The following FSTL4 variants were observed in gnomAD, a reference collection of about 807,000 sequenced individuals.
FSTL4 encodes the protein follistatin-related protein 4.
FSTL4 carries 28 observed loss-of-function variants against 78.2 expected under a neutral mutation model. That is an observed-to-expected ratio of 0.36 (90% CI 0.27 to 0.49). The LOEUF is 0.49. Among genes scored for constraint, FSTL4 ranks in the 20% least tolerant of loss-of-function variants. The probability of loss-of-function intolerance (pLI) is 0.98; values close to 1 mark genes in which losing one functional copy is unlikely to be tolerated. For missense variants in FSTL4, 922 were observed against 1,084.9 expected (o/e 0.85, Z 2.11); for synonymous variants, 422 against 440.5 (o/e 0.96, Z 0.53).
chr5:133,223,655 C>T (rs1337195039), intron 11 of FSTL4, among the ~76,000 whole-genome samples: 2 of 152,192 alleles, frequency 1.3e-5, no homozygotes, highest in Non-Finnish European at 2.9e-5. Context: ...CTTTGATGCA[C>T]AAAAATGGCA....
the FSTL4 span, among the ~76,000 whole-genome samples, chr5:133,733,810 C>T: frequency 6.6e-6 from 1 of 152,182 alleles, no homozygotes; most frequent in Non-Finnish European, 1.5e-5. Flanking sequence ...CATGAGGTTG[C>T]AGTCAAGATG....
the FSTL4 span, among the ~76,000 whole-genome samples, chr5:133,814,636 G>A: frequency 1.3e-5 from 2 of 152,228 alleles, no homozygotes; most frequent in Non-Finnish European, 2.9e-5. Context: ...ATAAGGGCCA[G>A]AGAAGGCACA....
chr5:133,557,694 G>C (rs1759818558), intron 3 of FSTL4, among the ~76,000 whole-genome samples: 2 of 152,170 alleles, frequency 1.3e-5, no homozygotes, highest in Non-Finnish European at 2.9e-5. Context: ...CCATGAAGGG[G>C]AACCCCCAGA....
chr5:133,324,398 G>C (rs1754152666), intron 4 of FSTL4, among the ~76,000 whole-genome samples: 2 of 152,228 alleles, frequency 1.3e-5, no homozygotes, highest in East Asian at 3.9e-4. Context: ...TGGTGGTGGG[G>C]CGGGAAAGTG....
the FSTL4 span, among the ~76,000 whole-genome samples, chr5:133,835,613 G>A: frequency 6.6e-6 from 1 of 152,142 alleles, no homozygotes; most frequent in Admixed American, 6.5e-5. Context: ...AAATCTCCAT[G>A]AGCACATAAG....
chr5:133,525,270 A>T (rs13161613), intron 3 of FSTL4, among the ~76,000 whole-genome samples: 5,767 of 152,306 alleles, frequency 0.038, 224 homozygotes, highest in African/African-American at 0.096. Flanking sequence ...GTGATGCTTG[A>T]TGAGGGCTGG....
chr5:133,532,664 A>C (rs1759280343), intron 3 of FSTL4, among the ~76,000 whole-genome samples: 1 of 152,188 alleles, frequency 6.6e-6, no homozygotes, highest in Non-Finnish European at 1.5e-5. Flanking sequence ...CTCTGAACAC[A>C]ACAGGACAAA....
intron 13 of FSTL4, among the ~76,000 whole-genome samples, chr5:133,213,798 C>T (rs112695333): frequency 3.3e-4 from 50 of 152,090 alleles, no homozygotes; most frequent in African/African-American, 1.1e-3. Flanking sequence ...TCAAATACTC[C>T]AAGTAAAAGA....
intron 4 of FSTL4, among the ~76,000 whole-genome samples, chr5:133,391,050 G>C (rs545670917): frequency 3.3e-5 from 5 of 152,266 alleles, no homozygotes; most frequent in South Asian, 4.1e-4. Flanking sequence ...ATCTAGAAAA[G>C]AGCATGAAAG....
At chr5:133,542,446 GT>G (rs1759496732) in intron 3 of FSTL4, among the ~76,000 whole-genome samples, 1 of 152,032 alleles carries the variant, frequency 6.6e-6, no homozygotes, top group African/African-American at 2.4e-5. Context: ...TTCTTACCAG[GT>G]TTTGGTGTCA....
chr5:133,227,347 AC>A lies in FSTL4; in HGVS notation c.1016-1529del, dbSNP rs144817876. On this transcript the variant is annotated intron_variant, in intron 8 of 15. Transcript: ENST00000265342. ...AGGCATGTCTGGAGGACTGCTTCCA[AC>A]ATAAATGTGTAGCTCTCTTCTCTGA... 5.7e-3 allele frequency among the ~76,000 whole-genome samples: 868 copies of A among 152,348 alleles called. 12 individuals carry two copies. The highest frequency in any genetic ancestry group is 0.02 in the African/African-American group (815 of 41,576).
chr5:133,702,931 G>A, the FSTL4 span, among the ~76,000 whole-genome samples: 1 of 152,194 alleles, frequency 6.6e-6, no homozygotes, highest in African/African-American at 2.4e-5. Context: ...CTCCCTACAT[G>A]GGGACAGAAG....
intron 6 of FSTL4, among the ~76,000 whole-genome samples, chr5:133,285,855 C>T (rs1387908526): frequency 6.6e-6 from 1 of 152,264 alleles, no homozygotes; most frequent in African/African-American, 2.4e-5. Context: ...AGGCCACGCC[C>T]AGGCATAGAC....
At chr5:133,527,445 T>C (rs1327786775) in intron 3 of FSTL4, among the ~76,000 whole-genome samples, 2 of 151,206 alleles carry the variant, frequency 1.3e-5, no homozygotes, top group Non-Finnish European at 1.5e-5. Flanking sequence ...TCAGTTGTGA[T>C]CTCTTTTGCT....
Position 133,568,510 on chromosome 5 carries a change from T to A in FSTL4, c.127-1291A>T, listed in dbSNP as rs1760078907. ...GTTGTCCTACCCAAATTACATTCCCTGACTGCTACCTTTCTACTGAGCAAA... is the reference window on the plus strand; with the variant it reads ...GTTGTCCTACCCAAATTACATTCCCAGACTGCTACCTTTCTACTGAGCAAA... On this transcript the variant is annotated intron_variant, in intron 2 of 15. Coordinates refer to ENST00000265342, the MANE Select transcript of FSTL4 (RefSeq NM_015082.2). Among the ~76,000 whole-genome samples the A allele has an allele frequency of 2.0e-5, 3 of 152,224 alleles. No individual in the cohort carries two copies. In the South Asian group the frequency reaches 6.2e-4, roughly 31 times the overall value.
intron 4 of FSTL4, among the ~76,000 whole-genome samples, chr5:133,371,204 T>G (rs1755290767): frequency 6.6e-6 from 1 of 152,204 alleles, no homozygotes; most frequent in African/African-American, 2.4e-5. Context: ...CTCTGGGACT[T>G]AATGGAATGA....
chr5:133,213,312 CAAAGT>C (rs139708471), intron 13 of FSTL4, among the ~76,000 whole-genome samples: 16,630 of 151,902 alleles, frequency 0.11, 2,892 homozygotes, highest in African/African-American at 0.37. Context: ...CTGAGAAATA[CAAAGT>C]AAAGTAAAGA....
intron 4 of FSTL4, among the ~76,000 whole-genome samples, chr5:133,396,527 T>G (rs1756052213): frequency 6.6e-6 from 1 of 152,180 alleles, no homozygotes; most frequent in Non-Finnish European, 1.5e-5. Flanking sequence ...GCCCTGCAGC[T>G]GGATCTCACA....
At chr5:133,328,124 A>G (rs183045766) in intron 4 of FSTL4, among the ~76,000 whole-genome samples, 1 of 152,352 alleles carries the variant, frequency 6.6e-6, no homozygotes, top group Admixed American at 6.5e-5. Context: ...CCCAGGGTTA[A>G]ACACACACGA....
Sources: allele counts gnomAD v4.1 joint callset (sites outside exome capture counted in the v4.1 genomes callset), GRCh38; gene constraint gnomAD v4.1.1; transcripts MANE v1.5; gene names NCBI Gene and HGNC (gene_info 2026-07-23, HGNC 2026-07-21).